C6orf89: variants seen among roughly 807,000 people sequenced by gnomAD.
C6orf89 encodes bombesin receptor-activated protein C6orf89.
A neutral mutation model predicts 40.7 loss-of-function variants in C6orf89; 29 were observed. That is an observed-to-expected ratio of 0.71 (90% CI 0.53 to 0.97). C6orf89 has a LOEUF of 0.97. Ranked by LOEUF, C6orf89 falls within the 50% of genes least tolerant of loss-of-function variation. The pLI is 0.00. For synonymous variants in C6orf89, 165 were observed against 152.2 expected, an observed-to-expected ratio of 1.08 and a Z score of -0.62; for missense variants, 392 against 429.1, an observed-to-expected ratio of 0.91 and a Z score of 0.76.
In C6orf89 at chr6:36,902,362, A is replaced by C; in HGVS notation, c.331A>C (p.Ile111Leu). ...TCACATTAGGCTGATGTCCTTGCCCATTGCCAAGAAGTACATGTCAGAAAA... is the reference window on the plus strand; with the variant it reads ...TCACATTAGGCTGATGTCCTTGCCCCTTGCCAAGAAGTACATGTCAGAAAA... ...IHHIRLMSLP[I>L]AKKYMSENKG... The change falls in exon 4 of 9, where the codon ATT becomes CTT. Residue 111 changes from isoleucine (I) to leucine (L), a missense_variant. Ile to Leu is a conservative substitution (Grantham distance 5, BLOSUM62 2). Coordinates refer to ENST00000480824, the MANE Select transcript of C6orf89 (RefSeq NM_001286635.2). 1 of 1,614,202 alleles carries C rather than the reference A, an allele frequency of 6.2e-7. No homozygotes were observed. Among genetic ancestry groups the C allele is most frequent in the Non-Finnish European group, 8.5e-7 (1 of 1,180,042 alleles).
At chr6:36,908,787 C>T (rs867107578) in intron 4 of C6orf89, among the ~76,000 whole-genome samples, 13 of 152,330 alleles carry the variant, frequency 8.5e-5, no homozygotes, top group Middle Eastern at 6.8e-3. Flanking sequence ...GCCACGTCCC[C>T]TCTCAAAGGC....
rs1187610775 is a variant in C6orf89 at position 36,914,315 on chromosome 6, G to A, written c.435G>A (p.Glu145=). ...ACCCCTGGTGGACAAACGACTGTGA[G>A]CAGAATGAGTCAGAGCCCATTCCTG... The part of the protein sequence containing the change: ...DFDPWWTNDC[E]QNESEPIPAN... The change falls in exon 5 of 9, where the codon GAG becomes GAA. Residue 145 remains glutamate, a synonymous_variant. Coordinates refer to ENST00000480824, the MANE Select transcript of C6orf89 (RefSeq NM_001286635.2). 2 of 1,613,946 alleles carry A rather than the reference G, an allele frequency of 1.2e-6. No individual in the cohort carries two copies. Among genetic ancestry groups the A allele is most frequent in the Non-Finnish European group, 1.7e-6 (2 of 1,180,012 alleles).
rs568836052 is a variant in C6orf89 at position 36,925,598 on chromosome 6, A to C, written c.*2157A>C. ...TAAAATCTACCCAGTTCAGACTTGA[A>C]TGTAAACTTGTATTAGGGGAAAATT... is the stretch of plus-strand genomic sequence containing the variant. On this transcript the variant is annotated 3_prime_UTR_variant, in exon 9 of 9. Transcript: ENST00000480824. 25 of 152,338 alleles carry C rather than the reference A, an allele frequency of 1.6e-4. No individual in the cohort carries two copies. Among genetic ancestry groups the C allele is most frequent in the African/African-American group, 6.0e-4 (25 of 41,590 alleles). The allele number at this position is 152,338 out of a possible 1,614,324, so 9.4% of individuals were successfully genotyped here. A position where few individuals can be genotyped will look rare whatever the true frequency, so the allele number is the denominator to read the frequency against.
rs538207219 is a variant in C6orf89, at chr6:36,926,554, A to G, written c.*3113A>G. The G allele has an allele frequency of 1.6e-5, 2 of 126,884 alleles. No individual in the cohort carries two copies. Among genetic ancestry groups the G allele is most frequent in the South Asian group, 5.4e-4 (2 of 3,724 alleles). The allele number at this position is 126,884 out of a possible 1,614,324, so 7.9% of individuals were successfully genotyped here. A position where few individuals can be genotyped will look rare whatever the true frequency, so the allele number is the denominator to read the frequency against. On this transcript the variant is annotated 3_prime_UTR_variant, in exon 9 of 9. Transcript: ENST00000480824. ...TCAAAGGAAAGGAAAGAAAAGAAAA[A>G]AAAAAAGAGAGAGAGAAAAGAAGAG...
intron 1 of C6orf89, among the ~76,000 whole-genome samples, chr6:36,887,896 A>AT (rs1292862109): frequency 5.9e-5 from 9 of 151,618 alleles, no homozygotes; most frequent in Non-Finnish European, 7.4e-5. Flanking sequence ...TTTTATTTTT[A>AT]TTTTTTTTGT....
intron 4 of C6orf89, among the ~76,000 whole-genome samples, chr6:36,905,714 A>G (rs1339651198): frequency 6.6e-6 from 1 of 152,134 alleles, no homozygotes; most frequent in Non-Finnish European, 1.5e-5. Context: ...TCATATCTTT[A>G]TAGTCACTTT....
At position 36,924,737 on chromosome 6, in the gene C6orf89, C is replaced by T. The variant is rs1409586938; in HGVS notation, c.*1296C>T. The T allele has an allele frequency of 6.6e-6, 1 of 152,072 alleles. No individual in the cohort carries two copies. The highest frequency in any genetic ancestry group is 2.1e-4 in the South Asian group (1 of 4,828). The allele number at this position is 152,072 out of a possible 1,614,324, so 9.4% of individuals were successfully genotyped here. A position where few individuals can be genotyped will look rare whatever the true frequency, so the allele number is the denominator to read the frequency against. On this transcript the variant is annotated 3_prime_UTR_variant, in exon 9 of 9. Transcript: ENST00000480824. The stretch of plus-strand genomic sequence containing the variant: ...TGCCATTGCCAAGATGAAGAAAAAG[C>T]AAACTACACTTTGGCCTCTGGTTCT...
At chr6:36,899,730 T>C (rs1583167891) in intron 3 of C6orf89, 97 bp downstream of exon 3, 1 of 1,228,124 alleles carries the variant, frequency 8.1e-7, no homozygotes, top group South Asian at 1.3e-5. Flanking sequence ...CCACTGAGCA[T>C]TGGTTTTTCC....
chr6:36,903,801 A>G (rs1761821281), intron 4 of C6orf89, among the ~76,000 whole-genome samples: 1 of 152,220 alleles, frequency 6.6e-6, no homozygotes, highest in African/African-American at 2.4e-5. Context: ...TTGTATCAAA[A>G]TCAGAGGAAG....
upstream of C6orf89, among the ~76,000 whole-genome samples, chr6:36,884,701 A>AT (rs926955859): frequency 3.3e-5 from 5 of 151,814 alleles, no homozygotes; most frequent in Admixed American, 6.6e-5. The surrounding 1 kb of genome is among the most constrained non-coding windows in gnomAD (Gnocchi z 4.0). Flanking sequence ...AAAGTGAGGA[A>AT]TTTTTTTTTA....
At chr6:36,907,100 A>C (rs1763847759) in intron 4 of C6orf89, among the ~76,000 whole-genome samples, 1 of 151,458 alleles carries the variant, frequency 6.6e-6, no homozygotes, top group Admixed American at 6.6e-5. Flanking sequence ...AACTTCATTC[A>C]CTCATTCAGT....
rs78092556 is a variant in C6orf89 at position 36,902,480 on chromosome 6, G to A, written c.403+46G>A. 1,985 of 1,544,416 alleles carry A rather than the reference G, an allele frequency of 1.3e-3. 10 individuals carry two copies. The highest frequency in any genetic ancestry group is 0.011 in the African/African-American group (815 of 73,090). On this transcript the variant is annotated intron_variant, in intron 4 of 8. Transcript: ENST00000480824. The stretch of plus-strand genomic sequence containing the variant: ...CTTATTAGATATAGTTTTCTTGACA[G>A]TATATGATAGGAAAGGAAGTAACAT...
chr6:36,901,625 C>T (rs1237078915), intron 3 of C6orf89, among the ~76,000 whole-genome samples: 9 of 137,882 alleles, frequency 6.5e-5, no homozygotes, highest in African/African-American at 2.4e-4. Context: ...TGAGCCACTG[C>T]GCCCGGCCCC....
chr6:36,914,309 C>A lies in C6orf89; in HGVS notation c.429C>A (p.Asp143Glu). 1 of 1,614,082 alleles carries A rather than the reference C, an allele frequency of 6.2e-7. No homozygotes were observed. Among genetic ancestry groups the A allele is most frequent in the Non-Finnish European group, 8.5e-7 (1 of 1,179,974 alleles). Reference protein sequence around the residue: ...FPDFDPWWTNDCEQNESEPIP... With the variant: ...FPDFDPWWTNECEQNESEPIP... The stretch of plus-strand genomic sequence containing the variant: ...ACTTTGACCCCTGGTGGACAAACGA[C>A]TGTGAGCAGAATGAGTCAGAGCCCA... The change falls in exon 5 of 9, where the codon GAC becomes GAA. Residue 143 changes from aspartate (D) to glutamate (E), a missense_variant. Asp to Glu is a conservative substitution (Grantham distance 45, BLOSUM62 2). Coordinates refer to ENST00000480824, the MANE Select transcript of C6orf89 (RefSeq NM_001286635.2).
chr6:36,894,407 G>A, intron 1 of C6orf89, 97 bp from the exon 2 acceptor site: 1 of 314,402 alleles, frequency 3.2e-6, no homozygotes, highest in Non-Finnish European at 4.6e-6. Context: ...GAATGTCTTT[G>A]TTAGTTTAAA....
upstream of C6orf89, chr6:36,885,876 G>A (rs116588173): frequency 1.2e-5 from 7 of 590,852 alleles, no homozygotes; most frequent in East Asian, 2.1e-4. Flanking sequence ...AGCGCTGGAC[G>A]AGAGGAGGAA....
intron 6 of C6orf89, 32 bp from the exon 7 acceptor site, chr6:36,916,413 A>C: frequency 6.2e-7 from 1 of 1,612,388 alleles, no homozygotes; most frequent in East Asian, 2.2e-5. Context: ...TGACCAGTTT[A>C]ATTACTTTTT....
intron 1 of C6orf89, among the ~76,000 whole-genome samples, chr6:36,893,839 G>A (rs1761317002): frequency 6.6e-6 from 1 of 152,016 alleles, no homozygotes; most frequent in Admixed American, 6.6e-5. Flanking sequence ...GGACACTGTT[G>A]GCATTTGGTT....
At chr6:36,875,022 C>A in intron 1 of C6orf89, 1 of 514,482 alleles carries the variant, frequency 1.9e-6, no homozygotes, top group Middle Eastern at 4.8e-4. Flanking sequence ...AGTGGCGATA[C>A]CGCGCCACTC....
Sources: gnomAD v4.1 joint callset for allele counts (sites outside exome capture counted in the v4.1 genomes callset) on GRCh38, gnomAD v4.1.1 for gene constraint, Gnocchi (gnomAD v3.1) non-coding constraint, MANE v1.5 for transcripts, NCBI Gene and HGNC (gene_info 2026-07-23, HGNC 2026-07-21) for gene names.